The following CSNK1G3 variants were observed in gnomAD, a reference collection of about 807,000 sequenced individuals.
CSNK1G3 encodes the protein casein kinase 1 gamma 3, also known as casein kinase I isoform gamma-3.
A neutral mutation model predicts 64.3 loss-of-function variants in CSNK1G3; 23 were observed. The observed-to-expected ratio is 0.36, with a 90% CI of 0.26 to 0.51. The LOEUF (loss-of-function observed/expected upper bound fraction) is 0.51, where lower values mean the gene tolerates loss of function less well. Among genes scored for constraint, CSNK1G3 ranks in the 20% least tolerant of loss-of-function variants. The pLI, the probability that CSNK1G3 is intolerant of heterozygous loss-of-function variation, is 0.96. For synonymous variants in CSNK1G3, 158 were observed against 162.2 expected, an observed-to-expected ratio of 0.97 and a Z score of 0.20; for missense variants, 357 against 510.5, an observed-to-expected ratio of 0.70 and a Z score of 2.90.
chr5:123,600,585 A>T (rs1383924989), intron 10 of CSNK1G3, among the ~76,000 whole-genome samples: 1 of 151,616 alleles, frequency 6.6e-6, no homozygotes, highest in African/African-American at 2.4e-5. Context: ...AGATCATGCC[A>T]CTGCACTTCA....
At position 123,605,010 on chromosome 5, in the gene CSNK1G3, A is replaced by T. The variant is rs189357982; in HGVS notation, c.1193+180A>T. 1.8e-4 allele frequency among the ~76,000 whole-genome samples: 27 copies of T among 152,270 alleles called. 1 individual carries two copies. The East Asian group carries it at 5.2e-3, about 29-fold the overall frequency. ...GAGTTTAAAATAGTGCTATTCCAGT[A>T]AACATTTTAATAATACAAAATATTT... On this transcript the variant is annotated intron_variant, in intron 11 of 12. Transcript: ENST00000345990.
chr5:123,554,075 G>A lies in CSNK1G3; in HGVS notation c.219+928G>A, dbSNP rs147460739. On this transcript the variant is annotated intron_variant, in intron 3 of 12. Transcript: ENST00000345990. ...TAAAAGAGAGACTATTAGGAGAAGA[G>A]GCAAATGGGAGGAAATAGAAAAACT... Among the ~76,000 whole-genome samples, 61 of 152,244 alleles carry A rather than the reference G, an allele frequency of 4.0e-4. 1 individual carries two copies. The highest frequency in any genetic ancestry group is 1.3e-3 in the African/African-American group (55 of 41,534).
chr5:123,527,251 T>C (rs1430623020), intron 1 of CSNK1G3, among the ~76,000 whole-genome samples: 2 of 152,204 alleles, frequency 1.3e-5, no homozygotes, highest in East Asian at 1.9e-4. Context: ...GTTCAAGTAA[T>C]GTAGCCCTGA....
At chr5:123,532,496 G>C (rs1261544215) in intron 1 of CSNK1G3, among the ~76,000 whole-genome samples, 1 of 151,612 alleles carries the variant, frequency 6.6e-6, no homozygotes, top group Non-Finnish European at 1.5e-5. Context: ...CTTTTCAGTG[G>C]TTCTTAACTT....
At chr5:123,595,824 C>T (rs1200323988) in intron 10 of CSNK1G3, among the ~76,000 whole-genome samples, 3 of 151,936 alleles carry the variant, frequency 2.0e-5, no homozygotes, top group Non-Finnish European at 2.9e-5. Context: ...AAATTTTAAT[C>T]ATTTATGTAT....
intron 2 of CSNK1G3, among the ~76,000 whole-genome samples, chr5:123,547,921 C>T (rs1782858186): frequency 6.6e-6 from 1 of 152,008 alleles, no homozygotes; most frequent in Non-Finnish European, 1.5e-5. Flanking sequence ...CCTGGATAAA[C>T]ACTAATGTTA....
intron 10 of CSNK1G3, among the ~76,000 whole-genome samples, chr5:123,598,643 T>C (rs1050117270): frequency 6.6e-6 from 1 of 152,088 alleles, no homozygotes; most frequent in Non-Finnish European, 1.5e-5. Flanking sequence ...GCTGATTTAG[T>C]CAAGCTGGTG....
chr5:123,596,355 ATATAT>A (rs1183192222), intron 10 of CSNK1G3, among the ~76,000 whole-genome samples: 1 of 152,126 alleles, frequency 6.6e-6, no homozygotes, highest in Non-Finnish European at 1.5e-5. Flanking sequence ...AATTCAGCAA[ATATAT>A]TCTATTTGCA....
chr5:123,549,002 A>G (rs1167940747), intron 2 of CSNK1G3, among the ~76,000 whole-genome samples: 1 of 152,248 alleles, frequency 6.6e-6, no homozygotes, highest in East Asian at 1.9e-4. Flanking sequence ...CCCAGCATAG[A>G]GAGATAGTAT....
At chr5:123,559,755 C>T (rs1159831074) in intron 4 of CSNK1G3, among the ~76,000 whole-genome samples, 5 of 144,500 alleles carry the variant, frequency 3.5e-5, no homozygotes, top group Admixed American at 7.0e-5. Flanking sequence ...TTTTTAAGTA[C>T]CTTTGTGAGC....
At chr5:123,512,977 CCAGA>C (rs1776500423) in intron 1 of CSNK1G3, among the ~76,000 whole-genome samples, 1 of 151,878 alleles carries the variant, frequency 6.6e-6, no homozygotes, top group Non-Finnish European at 1.5e-5. Context: ...TTGACTGTGT[CCAGA>C]CAATTACCTT....
At chr5:123,574,838 A>T (rs1190662249) in intron 5 of CSNK1G3, among the ~76,000 whole-genome samples, 1 of 152,128 alleles carries the variant, frequency 6.6e-6, no homozygotes, top group Non-Finnish European at 1.5e-5. Flanking sequence ...CCCACACACA[A>T]AACATCAAAA....
chr5:123,551,401 A>G (rs1038965799), intron 2 of CSNK1G3, among the ~76,000 whole-genome samples: 9 of 152,206 alleles, frequency 5.9e-5, no homozygotes, highest in Middle Eastern at 3.2e-3. Flanking sequence ...TATAGGTTCA[A>G]TGAGTATATG....
intron 4 of CSNK1G3, among the ~76,000 whole-genome samples, chr5:123,560,648 G>A (rs1785509225): frequency 2.0e-5 from 3 of 152,206 alleles, no homozygotes; most frequent in South Asian, 4.1e-4. Context: ...AGGAGGTCAA[G>A]GCTGCAATGA....
chr5:123,566,906 CTTATG>C (rs920817078), intron 4 of CSNK1G3, among the ~76,000 whole-genome samples: 1 of 151,312 alleles, frequency 6.6e-6, no homozygotes, highest in Non-Finnish European at 1.5e-5. Flanking sequence ...CTGCTTTTTT[CTTATG>C]TTATCTTTTC....
intron 4 of CSNK1G3, among the ~76,000 whole-genome samples, chr5:123,568,362 G>C (rs552968626): frequency 6.6e-6 from 1 of 152,260 alleles, no homozygotes; most frequent in Non-Finnish European, 1.5e-5. Context: ...TCCAACCACT[G>C]GGCTGGTTGT....
intron 1 of CSNK1G3, among the ~76,000 whole-genome samples, chr5:123,529,658 A>G (rs759355777): frequency 6.6e-6 from 1 of 152,168 alleles, no homozygotes; most frequent in Non-Finnish European, 1.5e-5. Context: ...TAGGGTTTGC[A>G]GTGAAATTTC....
chr5:123,520,371 G>GTGAGATTTAGGATGATTT (rs1777891231), intron 1 of CSNK1G3, among the ~76,000 whole-genome samples: 5 of 152,066 alleles, frequency 3.3e-5, no homozygotes, highest in Admixed American at 2.6e-4. Context: ...TTTATAAATG[G>GTGAGATTTAGGATGATTT]TGAGATTTAG....
rs1479864047 is a variant in CSNK1G3, at chr5:123,512,477, A to C, written c.-341A>C. The C allele has an allele frequency of 6.8e-6, 1 of 146,536 alleles. No homozygotes were observed. The highest frequency in any genetic ancestry group is 1.5e-5 in the Non-Finnish European group (1 of 66,878). The allele number at this position is 146,536 out of a possible 1,614,324, so 9.1% of individuals were successfully genotyped here. A position where few individuals can be genotyped will look rare whatever the true frequency, so the allele number is the denominator to read the frequency against. ...CCTCCTCCGGCCGCCGGCGGGTGTGATGTGCCGCCGCCGCTGCCCCCGCCG... is the reference window on the plus strand; with the variant it reads ...CCTCCTCCGGCCGCCGGCGGGTGTGCTGTGCCGCCGCCGCTGCCCCCGCCG... On this transcript the variant is annotated 5_prime_UTR_variant, in exon 1 of 13. It removes an upstream start codon present in the reference 5' UTR. Coordinates refer to ENST00000345990, the Ensembl canonical transcript of CSNK1G3.
Sources: gnomAD v4.1 joint callset for allele counts (sites outside exome capture counted in the v4.1 genomes callset) on GRCh38, gnomAD v4.1.1 for gene constraint, MANE v1.5 for transcripts, NCBI Gene and HGNC (gene_info 2026-07-23, HGNC 2026-07-21) for gene names.